The following ITGA1 variants were observed in gnomAD, a reference collection of about 807,000 sequenced individuals.
The protein encoded by ITGA1 is integrin alpha-1.
In ITGA1, 85 loss-of-function variants were observed where a neutral mutation model predicts 145.9. The ratio of observed to expected loss-of-function variants is 0.58; its 90% CI spans 0.49 to 0.70. The LOEUF (loss-of-function observed/expected upper bound fraction) is 0.70, where lower values mean the gene tolerates loss of function less well. Ranked by LOEUF, ITGA1 falls within the 30% of genes least tolerant of loss-of-function variation. The probability of loss-of-function intolerance (pLI) is 0.00; values close to 1 mark genes in which losing one functional copy is unlikely to be tolerated. For missense variants in ITGA1, 1,351 were observed against 1,418.7 expected (o/e 0.95, Z 0.77); for synonymous variants, 520 against 495.3 (o/e 1.05, Z -0.66).
intron 6 of ITGA1, among the ~76,000 whole-genome samples, chr5:52,881,668 G>A (rs1413732330): frequency 1.3e-5 from 2 of 152,202 alleles, no homozygotes. Context: ...GAGAAGTTTA[G>A]TAACAGCATG....
At chr5:52,930,028 C>T (rs765634316) in intron 21 of ITGA1, among the ~76,000 whole-genome samples, 1 of 152,150 alleles carries the variant, frequency 6.6e-6, no homozygotes, top group Non-Finnish European at 1.5e-5. Context: ...TAAAAACTTT[C>T]ACTGGCTGCC....
chr5:52,828,134 C>A (rs1056319459), intron 1 of ITGA1, among the ~76,000 whole-genome samples: 21 of 152,156 alleles, frequency 1.4e-4, no homozygotes, highest in Admixed American at 1.4e-3. Context: ...TTTCTCTGAA[C>A]ATATGTTTTC....
chr5:52,878,961 CAAAAA>C (rs33911483), intron 6 of ITGA1, among the ~76,000 whole-genome samples: 24,502 of 130,684 alleles, frequency 0.19, 2,016 homozygotes, highest in South Asian at 0.25. Flanking sequence ...GTCTAAGTAC[CAAAAA>C]AAAAAAAAAA....
At position 52,908,983 on chromosome 5, in the gene ITGA1, T is replaced by C. The variant is rs1324623877; in HGVS notation, c.1541T>C (p.Met514Thr). 3 of 1,613,798 alleles carry C rather than the reference T, an allele frequency of 1.9e-6. No individual in the cohort carries two copies. Among genetic ancestry groups the C allele is most frequent in the Non-Finnish European group, 2.5e-6 (3 of 1,179,872 alleles). ...GACATTCTTCTAGTCGGAGCCCCTA[T>C]GTACATGGGAACAGAGAAGGAGGAG... ...NTDILLVGAPMYMGTEKEEQG... is the reference protein window; with the variant it reads ...NTDILLVGAPTYMGTEKEEQG... Residue 514 changes from methionine (M) to threonine (T), a missense_variant, in exon 13 of 29, where the codon ATG becomes ACG. Met to Thr is a moderately conservative substitution (Grantham distance 81, BLOSUM62 -1). Coordinates refer to ENST00000282588, the MANE Select transcript of ITGA1 (RefSeq NM_181501.2).
Position 52,817,220 on chromosome 5 carries a change from A to T in ITGA1, c.61+28806A>T, listed in dbSNP as rs1393716490. 2.0e-5 allele frequency among the ~76,000 whole-genome samples: 3 copies of T among 152,194 alleles called. No individual in the cohort carries two copies. In the East Asian group the frequency reaches 5.8e-4, roughly 29 times the overall value. Reference sequence around the variant, plus strand: ...AAAAGTCAGTTGAGTTTAATATAACAAAAGGGCTGAATACCAGAGGTAGAG... The same window carrying T: ...AAAAGTCAGTTGAGTTTAATATAACTAAAGGGCTGAATACCAGAGGTAGAG... On this transcript the variant is annotated intron_variant, in intron 1 of 28. Transcript: ENST00000282588.
At chr5:52,850,018 T>TC (rs1396212992) in intron 2 of ITGA1, among the ~76,000 whole-genome samples, 1 of 151,646 alleles carries the variant, frequency 6.6e-6, no homozygotes, top group African/African-American at 2.4e-5. Flanking sequence ...TTTTTTTTTT[T>TC]CTGAGATGGA....
At chr5:52,872,575 A>ATTTTCTTTTTTTTTTTTTTTTTTTTTTT (rs1749793855) in intron 6 of ITGA1, among the ~76,000 whole-genome samples, 1 of 98,372 alleles carries the variant, frequency 1.0e-5, no homozygotes, top group East Asian at 4.4e-4. Context: ...GCCTCAGTCA[A>ATTTTCTTTTTTTTTTTTTTTTTTTTTTT]TTTTTTTTTT....
At chr5:52,915,001 G>A (rs964373882) in intron 14 of ITGA1, among the ~76,000 whole-genome samples, 4 of 152,164 alleles carry the variant, frequency 2.6e-5, no homozygotes, top group Non-Finnish European at 5.9e-5. Flanking sequence ...AAATGTATTT[G>A]ATGGGATGTG....
chr5:52,829,815 G>A (rs1249032982), intron 1 of ITGA1, among the ~76,000 whole-genome samples: 2 of 151,750 alleles, frequency 1.3e-5, no homozygotes, highest in African/African-American at 4.8e-5. Context: ...TTTTGTTTTT[G>A]TTTCTGTCCT....
intron 23 of ITGA1, among the ~76,000 whole-genome samples, chr5:52,936,649 G>A (rs1750968919): frequency 6.6e-6 from 1 of 152,186 alleles, no homozygotes; most frequent in South Asian, 2.1e-4. Context: ...CTTTTAAGCA[G>A]GGAAGGACCT....
intron 17 of ITGA1, among the ~76,000 whole-genome samples, chr5:52,922,125 AC>A (rs1750737040): frequency 6.6e-6 from 1 of 151,856 alleles, no homozygotes; most frequent in South Asian, 2.1e-4. Context: ...ACGTGGTGAA[AC>A]CCCGTCTCTA....
chr5:52,854,188 C>A (rs1749471444), intron 2 of ITGA1, among the ~76,000 whole-genome samples: 1 of 152,100 alleles, frequency 6.6e-6, no homozygotes, highest in Non-Finnish European at 1.5e-5. Flanking sequence ...TCTAGAGGAT[C>A]CTGCTTTATG....
intron 1 of ITGA1, among the ~76,000 whole-genome samples, chr5:52,833,133 A>C (rs1187395544): frequency 6.6e-6 from 1 of 151,744 alleles, no homozygotes; most frequent in Admixed American, 6.6e-5. Flanking sequence ...TGGAGGCTGC[A>C]GTGAGCCAAG....
rs1366302890 is a variant in ITGA1, at chr5:52,959,080, A to G, written c.*6629A>G. The G allele has an allele frequency of 6.6e-6, 1 of 152,164 alleles. No homozygotes were observed. The highest frequency in any genetic ancestry group is 1.5e-5 in the Non-Finnish European group (1 of 68,012). The allele number at this position is 152,164 out of a possible 1,614,324, so 9.4% of individuals were successfully genotyped here. ...TATGTATGGCATATCCTGTACACCA[A>G]TTGAAGGTCAGAGCTTTGGTATTTT... On this transcript the variant is annotated 3_prime_UTR_variant, in exon 29 of 29. Transcript: ENST00000282588.
At chr5:52,823,022 G>T (rs184878574) in intron 1 of ITGA1, among the ~76,000 whole-genome samples, 27 of 152,236 alleles carry the variant, frequency 1.8e-4, no homozygotes, top group African/African-American at 6.0e-4. Context: ...CATCGAGTTT[G>T]TATTGCATGG....
intron 6 of ITGA1, among the ~76,000 whole-genome samples, chr5:52,877,108 T>A (rs1463098121): frequency 6.6e-6 from 1 of 152,218 alleles, no homozygotes; most frequent in South Asian, 2.1e-4. Flanking sequence ...TATCTATTTT[T>A]AAAAAATTAG....
At chr5:52,840,168 G>T (rs1749229902) in intron 1 of ITGA1, among the ~76,000 whole-genome samples, 1 of 152,144 alleles carries the variant, frequency 6.6e-6, no homozygotes, top group African/African-American at 2.4e-5. Flanking sequence ...AAAGTTATAA[G>T]TAAATGAATA....
At chr5:52,910,100 A>G in intron 13 of ITGA1, 62 bp from the exon 14 acceptor site, 1 of 1,485,112 alleles carries the variant, frequency 6.7e-7, no homozygotes, top group Non-Finnish European at 9.2e-7. Flanking sequence ...TATACTTTAA[A>G]AATTCTACTC....
intron 6 of ITGA1, among the ~76,000 whole-genome samples, chr5:52,871,503 T>G (rs1192654613): frequency 1.3e-5 from 2 of 152,140 alleles, no homozygotes; most frequent in African/African-American, 4.8e-5. Context: ...TTGAATATGA[T>G]TCCTATTCTC....
Sources: gnomAD v4.1 joint callset for allele counts (sites outside exome capture counted in the v4.1 genomes callset) on GRCh38, gnomAD v4.1.1 for gene constraint, MANE v1.5 for transcripts, NCBI Gene and HGNC (gene_info 2026-07-23, HGNC 2026-07-21) for gene names.